Variants in GOLM2 observed in about 807,000 individuals in gnomAD.
The protein encoded by GOLM2 is protein GOLM2.
Under a neutral mutation model 55.9 loss-of-function variants are expected in GOLM2, and 26 were observed. The ratio of observed to expected loss-of-function variants is 0.47; its 90% CI spans 0.34 to 0.65. The LOEUF (loss-of-function observed/expected upper bound fraction) is 0.65. Ranked by LOEUF, GOLM2 falls within the 30% of genes least tolerant of loss-of-function variation. The pLI is 0.01. For missense variants in GOLM2, 486 were observed against 531.8 expected, an observed-to-expected ratio of 0.91 and a Z score of 0.85; for synonymous variants, 165 against 194.6, an observed-to-expected ratio of 0.85 and a Z score of 1.27.
intron 1 of GOLM2, among the ~76,000 whole-genome samples, chr15:44,303,346 T>G (rs2078812807): frequency 6.6e-6 from 1 of 152,136 alleles, no homozygotes; most frequent in African/African-American, 2.4e-5. Context: ...AATATTCAGA[T>G]GTAAAACTAC....
intron 8 of GOLM2, among the ~76,000 whole-genome samples, chr15:44,388,395 G>A (rs1236031775): frequency 1.3e-5 from 2 of 152,066 alleles, no homozygotes; most frequent in Non-Finnish European, 2.9e-5. Flanking sequence ...GAGACAGGTG[G>A]CCTGGCACAG....
intron 4 of GOLM2, among the ~76,000 whole-genome samples, chr15:44,334,918 C>G (rs2079046294): frequency 6.6e-6 from 1 of 152,142 alleles, no homozygotes; most frequent in Admixed American, 6.6e-5. Flanking sequence ...GTAATCCCGG[C>G]TACTCAGGAG....
chr15:44,396,707 G>A (rs1175293042), intron 8 of GOLM2, among the ~76,000 whole-genome samples: 1 of 152,150 alleles, frequency 6.6e-6, no homozygotes, highest in Non-Finnish European at 1.5e-5. Flanking sequence ...AGCATATGAA[G>A]TTAGACCATG....
At chr15:44,309,891 G>GTT (rs1228443337) in intron 1 of GOLM2, among the ~76,000 whole-genome samples, 1 of 148,612 alleles carries the variant, frequency 6.7e-6, no homozygotes, top group African/African-American at 2.5e-5. Context: ...CCAGCTTTTG[G>GTT]TTTTTTTTTT....
chr15:44,360,235 C>T (rs1401945475), intron 6 of GOLM2, among the ~76,000 whole-genome samples: 9 of 152,110 alleles, frequency 5.9e-5, no homozygotes, highest in African/African-American at 2.2e-4. Context: ...ACTAAATGCT[C>T]CAATTAAAAG....
intron 2 of GOLM2, among the ~76,000 whole-genome samples, chr15:44,323,292 A>G (rs914639150): frequency 3.9e-5 from 6 of 152,082 alleles, no homozygotes; most frequent in Non-Finnish European, 7.4e-5. Context: ...GAATACTCAA[A>G]AAAAAATTGA....
intron 1 of GOLM2, among the ~76,000 whole-genome samples, chr15:44,293,832 T>C (rs890501796): frequency 1.3e-5 from 2 of 152,226 alleles, no homozygotes; most frequent in African/African-American, 4.8e-5. Context: ...ATGTTCACCC[T>C]CACTTAATGA....
chr15:44,332,521 C>T (rs1447268344), intron 4 of GOLM2, among the ~76,000 whole-genome samples: 1 of 151,150 alleles, frequency 6.6e-6, no homozygotes, highest in Non-Finnish European at 1.5e-5. Context: ...GATCACACCA[C>T]TGCACTCCAG....
chr15:44,329,770 C>T (rs1327932651), intron 3 of GOLM2, among the ~76,000 whole-genome samples: 1 of 151,666 alleles, frequency 6.6e-6, no homozygotes, highest in African/African-American at 2.4e-5. Flanking sequence ...GGCATGATGG[C>T]GTATGCCTGT....
At chr15:44,304,268 G>A (rs1457484686) in intron 1 of GOLM2, among the ~76,000 whole-genome samples, 1 of 102,822 alleles carries the variant, frequency 9.7e-6, no homozygotes, top group Admixed American at 1.2e-4. Flanking sequence ...TTGAGACAGA[G>A]TTTCACTCTT....
chr15:44,401,089 A>G (rs564927426), intron 8 of GOLM2, among the ~76,000 whole-genome samples: 18 of 152,258 alleles, frequency 1.2e-4, no homozygotes, highest in Admixed American at 4.6e-4. Context: ...GTTCCATTGC[A>G]ATGTAAATTT....
chr15:44,352,019 A>T (rs181779348), intron 6 of GOLM2, among the ~76,000 whole-genome samples: 6 of 152,350 alleles, frequency 3.9e-5, no homozygotes, highest in African/African-American at 1.4e-4. Flanking sequence ...TCACAGATTC[A>T]ATGCAATCCC....
intron 8 of GOLM2, among the ~76,000 whole-genome samples, chr15:44,394,068 A>G (rs1021472978): frequency 4.6e-5 from 7 of 152,236 alleles, no homozygotes; most frequent in African/African-American, 1.7e-4. Context: ...ACAAGTTCTC[A>G]GTGGATACTG....
intron 6 of GOLM2, among the ~76,000 whole-genome samples, chr15:44,344,999 G>C (rs1402818209): frequency 6.7e-6 from 1 of 150,186 alleles, no homozygotes; most frequent in Admixed American, 6.7e-5. Flanking sequence ...TTTTAATACA[G>C]ACGGGGTTTC....
At chr15:44,355,580 C>A in intron 6 of GOLM2, 1 of 178,736 alleles carries the variant, frequency 5.6e-6, no homozygotes, top group Non-Finnish European at 1.2e-5. Flanking sequence ...AATTCTGGGG[C>A]TAGCATTGCC....
At chr15:44,322,270 G>T (rs1383670839) in intron 1 of GOLM2, among the ~76,000 whole-genome samples, 1 of 152,178 alleles carries the variant, frequency 6.6e-6, no homozygotes, top group East Asian at 1.9e-4. Flanking sequence ...TGGGGGCTGA[G>T]GCAGCAGAAT....
chr15:44,354,470 T>TAAATA (rs565188188), intron 6 of GOLM2, among the ~76,000 whole-genome samples: 1 of 151,204 alleles, frequency 6.6e-6, no homozygotes, highest in Non-Finnish European at 1.5e-5. Context: ...TAAAAATAAA[T>TAAATA]AAATAAAATA....
intron 6 of GOLM2, among the ~76,000 whole-genome samples, chr15:44,358,229 C>T (rs2079210733): frequency 6.6e-6 from 1 of 152,166 alleles, no homozygotes; most frequent in Non-Finnish European, 1.5e-5. Flanking sequence ...TGGCGCACAT[C>T]CGTAATCCCA....
chr15:44,317,240 G>A (rs1207309125), intron 1 of GOLM2, among the ~76,000 whole-genome samples: 1 of 152,042 alleles, frequency 6.6e-6, no homozygotes, highest in African/African-American at 2.4e-5. Flanking sequence ...ATCTGGGCGT[G>A]GTAGCACATG....
Sources: allele counts gnomAD v4.1 joint callset (sites outside exome capture counted in the v4.1 genomes callset), GRCh38; gene constraint gnomAD v4.1.1; transcripts MANE v1.5; gene names NCBI Gene and HGNC (gene_info 2026-07-23, HGNC 2026-07-21).